TMEM132D: variants seen among roughly 807,000 people sequenced by gnomAD.
TMEM132D encodes mature OL transmembrane protein.
Under a neutral mutation model 62.3 loss-of-function variants are expected in TMEM132D, and 21 were observed. The ratio of observed to expected loss-of-function variants is 0.34; its 90% CI spans 0.24 to 0.49. The LOEUF is 0.49. TMEM132D is among the 20% of genes least tolerant of loss of function. TMEM132D has a pLI of 0.99. For missense variants in TMEM132D, 1,346 were observed against 1,402.8 expected (o/e 0.96, Z 0.65); for synonymous variants, 621 against 575.6 (o/e 1.08, Z -1.13).
chr12:129,866,923 G>A (rs944808767), intron 1 of TMEM132D, among the ~76,000 whole-genome samples: 1 of 152,114 alleles, frequency 6.6e-6, no homozygotes, highest in African/African-American at 2.4e-5. Context: ...AATGTGGGGT[G>A]TATATATACA....
At chr12:129,725,656 C>G (rs190727540) in intron 1 of TMEM132D, among the ~76,000 whole-genome samples, 26 of 152,340 alleles carry the variant, frequency 1.7e-4, no homozygotes, top group Non-Finnish European at 2.8e-4. Context: ...TAAACACATG[C>G]ACACATAACA....
In TMEM132D at chr12:129,873,454, A is replaced by C. The variant is rs528282802; in HGVS notation, c.79+29807T>G. 1.1e-4 allele frequency among the ~76,000 whole-genome samples: 17 copies of C among 152,342 alleles called. 1 individual carries two copies. The South Asian group carries it at 2.7e-3, about 24-fold the overall frequency. On this transcript the variant is annotated intron_variant, in intron 1 of 8. Transcript: ENST00000422113. ...CTGCCGTCGCCTACATTACTATAAA[A>C]ACAAACAATAGGAATTTAAGCTGAT...
intron 4 of TMEM132D, among the ~76,000 whole-genome samples, chr12:129,322,222 C>T (rs750193351): frequency 6.6e-6 from 1 of 151,918 alleles, no homozygotes; most frequent in African/African-American, 2.4e-5. Context: ...ATGTCTATGC[C>T]TTTTGCTGCA....
chr12:129,341,738 A>C (rs964030770), intron 3 of TMEM132D, among the ~76,000 whole-genome samples: 1 of 152,206 alleles, frequency 6.6e-6, no homozygotes, highest in East Asian at 1.9e-4. Flanking sequence ...GGCAGGATAC[A>C]AAATCAATGT....
chr12:129,435,281 G>A (rs957949499), intron 3 of TMEM132D, among the ~76,000 whole-genome samples: 1 of 152,130 alleles, frequency 6.6e-6, no homozygotes, highest in Non-Finnish European at 1.5e-5. Context: ...ATAAAAACTG[G>A]AGTGCAGATA....
At chr12:129,332,902 T>C (rs1256638945) in intron 4 of TMEM132D, among the ~76,000 whole-genome samples, 1 of 152,130 alleles carries the variant, frequency 6.6e-6, no homozygotes. Context: ...GTAGCTATAG[T>C]TTCAGTTTGC....
chr12:129,343,830 C>T (rs1236140133), intron 3 of TMEM132D, among the ~76,000 whole-genome samples: 1 of 151,520 alleles, frequency 6.6e-6, no homozygotes, highest in African/African-American at 2.4e-5. Context: ...CCAGGGGAGG[C>T]TGAGGCAGGA....
At chr12:129,899,846 G>A (rs1875293150) in intron 1 of TMEM132D, among the ~76,000 whole-genome samples, 1 of 143,890 alleles carries the variant, frequency 6.9e-6, no homozygotes, top group East Asian at 2.0e-4. Context: ...GACAGAATTT[G>A]AATGTAAGCA....
Position 129,314,620 on chromosome 12 carries a change from T to C in TMEM132D, c.1299+23014A>G, listed in dbSNP as rs1868421042. Among the ~76,000 whole-genome samples, 3 of 152,238 alleles carry C rather than the reference T, an allele frequency of 2.0e-5. No homozygotes were observed. The South Asian group carries it at 6.2e-4, about 31-fold the overall frequency. On this transcript the variant is annotated intron_variant, in intron 4 of 8. Transcript: ENST00000422113. ...CTATCCAGGCTCTTTCTTGATTCCA[T>C]ATGAATTTTAGAATTGTTTTTTCTA... is the stretch of plus-strand genomic sequence containing the variant.
At chr12:129,336,501 G>A (rs12816198) in intron 4 of TMEM132D, among the ~76,000 whole-genome samples, 21,942 of 151,906 alleles carry the variant, frequency 0.14, 2,037 homozygotes, top group Non-Finnish European at 0.2. Flanking sequence ...AACCCCGGAC[G>A]GCAAAGGTTG....
intron 2 of TMEM132D, among the ~76,000 whole-genome samples, chr12:129,533,713 C>T (rs1471714): frequency 0.2 from 30,301 of 152,126 alleles, 3,398 homozygotes; most frequent in Non-Finnish European, 0.25. Flanking sequence ...CTAATAATTC[C>T]ACTGTAGCAA....
At chr12:129,755,773 C>G (rs947037038) in intron 1 of TMEM132D, among the ~76,000 whole-genome samples, 2 of 152,184 alleles carry the variant, frequency 1.3e-5, no homozygotes, top group Non-Finnish European at 2.9e-5. Flanking sequence ...GAGGAAATCT[C>G]TCTCCACCTC....
rs116355557 is a variant in TMEM132D, at chr12:129,102,768, G to A, written c.1444-18066C>T. Among the ~76,000 whole-genome samples, 1,276 of 152,198 alleles carry A rather than the reference G, an allele frequency of 8.4e-3. 22 individuals carry two copies. The highest frequency in any genetic ancestry group is 0.03 in the African/African-American group (1,225 of 41,514). On this transcript the variant is annotated intron_variant, in intron 5 of 8. Coordinates refer to ENST00000422113, the MANE Select transcript of TMEM132D (RefSeq NM_133448.3). The stretch of plus-strand genomic sequence containing the variant: ...TTCTTTGGGATCATAAAATATTCTC[G>A]ACCCTGAACCAGCTGCAAAAGTGAA...
chr12:129,146,707 G>A (rs1006227112), intron 5 of TMEM132D, among the ~76,000 whole-genome samples: 5 of 152,114 alleles, frequency 3.3e-5, no homozygotes, highest in African/African-American at 1.2e-4. Context: ...TGCTTACCCA[G>A]CTGGCAAACT....
intron 4 of TMEM132D, among the ~76,000 whole-genome samples, chr12:129,241,313 C>T (rs755313395): frequency 3.9e-5 from 6 of 152,242 alleles, no homozygotes; most frequent in South Asian, 2.1e-4. Flanking sequence ...AACAATGCAA[C>T]GGCATAAAAC....
intron 1 of TMEM132D, among the ~76,000 whole-genome samples, chr12:129,880,895 C>T (rs1874570651): frequency 1.3e-5 from 2 of 152,024 alleles, no homozygotes; most frequent in African/African-American, 4.8e-5. Flanking sequence ...ATATGAAATG[C>T]AAATTGTTTA....
intron 5 of TMEM132D, among the ~76,000 whole-genome samples, chr12:129,179,964 G>C (rs951417101): frequency 6.6e-6 from 1 of 151,842 alleles, no homozygotes; most frequent in Non-Finnish European, 1.5e-5. Context: ...GGAGGCGGAG[G>C]TTCCTGGGAG....
rs148692007 is a variant in TMEM132D, at chr12:129,772,830, G to A, written c.80-72132C>T. Among the ~76,000 whole-genome samples the A allele has an allele frequency of 1.4e-4, 22 of 152,318 alleles. 1 individual carries two copies. Among genetic ancestry groups the A allele is most frequent in the Admixed American group, 3.9e-4 (6 of 15,312 alleles). ...CCAGGTCCTGGGGACCTGTGAGGGC[G>A]GAAGCTGCATTGCATTTAGGCAACT... On this transcript the variant is annotated intron_variant, in intron 1 of 8. Transcript: ENST00000422113.
At chr12:129,370,302 A>T (rs112685682) in intron 3 of TMEM132D, among the ~76,000 whole-genome samples, 1 of 152,180 alleles carries the variant, frequency 6.6e-6, no homozygotes, top group Non-Finnish European at 1.5e-5. Flanking sequence ...CATGACAGTT[A>T]ATGATTTTTA....
Sources: allele counts gnomAD v4.1 joint callset (sites outside exome capture counted in the v4.1 genomes callset), GRCh38; gene constraint gnomAD v4.1.1; transcripts MANE v1.5; gene names NCBI Gene and HGNC (gene_info 2026-07-23, HGNC 2026-07-21).